Variants in DCHS1 observed in about 807,000 individuals in gnomAD.
DCHS1 encodes the protein dachsous cadherin-related 1, also known as protocadherin-16.
In DCHS1, 78 loss-of-function variants were observed where a neutral mutation model predicts 213.9. The observed-to-expected ratio is 0.36, with a 90% CI of 0.30 to 0.44. The LOEUF (loss-of-function observed/expected upper bound fraction) is 0.44, where lower values mean the gene tolerates loss of function less well. Among genes scored for constraint, DCHS1 ranks in the 20% least tolerant of loss-of-function variants. DCHS1 has a pLI of 1.00. For synonymous variants in DCHS1, 1,828 were observed against 1,873.7 expected (o/e 0.98, Z 0.63); for missense variants, 3,946 against 4,395.9 (o/e 0.90, Z 2.89).
rs186255064 is a variant in DCHS1 at position 6,632,989 on chromosome 11, C to T, written c.2523G>A (p.Ala841=). 2.9e-5 allele frequency: 47 copies of T among 1,613,876 alleles called. No homozygotes were observed. In the East Asian group the frequency reaches 7.8e-4, roughly 27 times the overall value. The change falls in exon 6 of 21, where the codon GCG becomes GCA. Residue 841 remains alanine, a synonymous_variant. Transcript: ENST00000299441. This position sits in a 1 kb window ranked among gnomAD's most constrained non-coding sequence, Gnocchi z 5.9. ...GDPRGLFSLD[A]VSGLLQTLRP... The stretch of plus-strand genomic sequence containing the variant: ...GAAGTGTTTGCAACAGTCCTGATAC[C>T]GCATCTAGGGAGAAGAGTCCTCGGG...
chr11:6,644,595 G>A (rs191109030), intron 1 of DCHS1, among the ~76,000 whole-genome samples: 1 of 152,358 alleles, frequency 6.6e-6, no homozygotes, highest in East Asian at 1.9e-4. Flanking sequence ...TCTGCCCTCT[G>A]CACTGGATTG....
Position 6,632,323 on chromosome 11 carries a change from C to T in DCHS1, c.3189G>A (p.Glu1063=), listed in dbSNP as rs997663349. ...WLWVRAALDR[E]AQELYILKVM... ...CCTTCAGTATGTACAATTCCTGGGC[C>T]TCACGGTCTAGTGCTGCCCGCACCC... is the stretch of plus-strand genomic sequence containing the variant. The change falls in exon 6 of 21, where the codon GAG becomes GAA. Residue 1063 remains glutamate, a synonymous_variant. Transcript: ENST00000299441. This position sits in a 1 kb window ranked among gnomAD's most constrained non-coding sequence, Gnocchi z 5.9. The T allele has an allele frequency of 1.2e-6, 2 of 1,613,972 alleles. No individual in the cohort carries two copies. The highest frequency in any genetic ancestry group is 1.7e-6 in the Non-Finnish European group (2 of 1,179,862).
At chr11:6,624,449 G>T in intron 20 of DCHS1, 59 bp from the exon 21 acceptor site, 1 of 1,475,356 alleles carries the variant, frequency 6.8e-7, no homozygotes, top group Non-Finnish European at 9.0e-7. Flanking sequence ...GTGAACAGAA[G>T]AGTGACCCTT....
intron 2 of DCHS1, 25 bp downstream of exon 2, chr11:6,639,792 C>G: frequency 6.4e-7 from 1 of 1,554,038 alleles, no homozygotes. Flanking sequence ...CCAACACTAT[C>G]TTGCTATGTG....
At chr11:6,639,713 T>A in intron 2 of DCHS1, 104 bp downstream of exon 2, 1 of 982,434 alleles carries the variant, frequency 1.0e-6, no homozygotes, top group South Asian at 1.7e-5. Context: ...CTAGCATAAG[T>A]CACCATCAAC....
chr11:6,631,263 A>G (rs762602103), intron 8 of DCHS1, 48 bp downstream of exon 8: 2 of 1,613,660 alleles, frequency 1.2e-6, no homozygotes, highest in Non-Finnish European at 1.7e-6. Flanking sequence ...TGGGCAGGCC[A>G]TGAGGGCATG....
In DCHS1 at chr11:6,631,737, T is replaced by TCCTGCA; in HGVS notation, c.3548_3553dup (p.Val1183_Gln1184dup). The TCCTGCA allele has an allele frequency of 6.2e-7, 1 of 1,607,658 alleles. No individual in the cohort carries two copies. Among genetic ancestry groups the TCCTGCA allele is most frequent in the Non-Finnish European group, 8.5e-7 (1 of 1,176,784 alleles). On this transcript the variant is annotated inframe_insertion, in exon 7 of 21. Coordinates refer to ENST00000299441, the MANE Select transcript of DCHS1 (RefSeq NM_003737.4). ...GGTGCTGCGGGGTGGGCTCCCTCCA[T>TCCTGCA]CCTGCACCTGCACCAGGAGCTGATA... is the stretch of plus-strand genomic sequence containing the variant.
intron 2 of DCHS1, 121 bp downstream of exon 2, chr11:6,639,696 G>A (rs1856035611): frequency 1.2e-6 from 1 of 855,106 alleles, no homozygotes; most frequent in Non-Finnish European, 1.8e-6. Context: ...ACATAGGGCA[G>A]AACCCTCTAG....
In DCHS1 at chr11:6,627,143, G is replaced by C; in HGVS notation, c.5896C>G (p.Arg1966Gly). Reference protein sequence around the residue: ...HAPTFPTSPLRLRLPRPGPSF... With the variant: ...HAPTFPTSPLGLRLPRPGPSF... ...GGGCCTGGGCGGGGCAGACGTAGGC[G>C]CAGAGGACTGGTGGGGAAGGTGGGT... Residue 1966 changes from arginine (R) to glycine (G), a missense_variant, in exon 14 of 21, where the codon CGC becomes GGC. By Grantham distance (125) the Arg-to-Gly change is moderately radical. Coordinates refer to ENST00000299441, the MANE Select transcript of DCHS1 (RefSeq NM_003737.4). The surrounding 1 kb of genome is among the most constrained non-coding windows in gnomAD (Gnocchi z 5.4). The C allele has an allele frequency of 6.2e-7, 1 of 1,612,416 alleles. No individual in the cohort carries two copies.
In DCHS1 at chr11:6,627,260, A is replaced by G. The variant is rs758217680; in HGVS notation, c.5779T>C (p.Phe1927Leu). 6.2e-7 allele frequency: 1 copy of G among 1,613,284 alleles called. No homozygotes were observed. Among genetic ancestry groups the G allele is most frequent in the Admixed American group, 1.7e-5 (1 of 59,976 alleles). The change falls in exon 14 of 21, where the codon TTT becomes CTT. Residue 1927 changes from phenylalanine (F) to leucine (L), a missense_variant. Physicochemically the swap from Phe to Leu is conservative, Grantham distance 22. This residue lies in a region of DCHS1 where 3,384 missense variants were observed against 3,780.1 expected (regional missense o/e 0.90). Transcript: ENST00000299441. The surrounding 1 kb of genome is among the most constrained non-coding windows in gnomAD (Gnocchi z 5.4). ...GCACCATCCACTGCACTCACAGAAA[A>G]GGTGTAGCTGGGACACTGTTCTCTG... Reference protein sequence around the residue: ...LDREQCPSYTFSVSAVDGAAA... With the variant: ...LDREQCPSYTLSVSAVDGAAA...
intron 1 of DCHS1, among the ~76,000 whole-genome samples, chr11:6,647,142 G>C (rs1856171383): frequency 6.6e-6 from 1 of 152,338 alleles, no homozygotes; most frequent in Non-Finnish European, 1.5e-5. Flanking sequence ...GGTAGCCTCA[G>C]TGAGCAAAGG....
Position 6,626,465 on chromosome 11 carries a change from C to G in DCHS1, c.6365-85G>C, listed in dbSNP as rs769754850. Reference sequence around the variant, plus strand: ...CTAAGACCCCTTACTCAAGGACAGCCCTTCACCCATCAAAGGCTCCTCTGA... The same window carrying G: ...CTAAGACCCCTTACTCAAGGACAGCGCTTCACCCATCAAAGGCTCCTCTGA... On this transcript the variant is annotated intron_variant, in intron 15 of 20. Transcript: ENST00000299441. The surrounding 1 kb of genome is among the most constrained non-coding windows in gnomAD (Gnocchi z 5.2). The G allele has an allele frequency of 6.2e-7, 1 of 1,603,810 alleles. No individual in the cohort carries two copies. The highest frequency in any genetic ancestry group is 8.5e-7 in the Non-Finnish European group (1 of 1,172,676).
chr11:6,629,630 C>T (rs1174697418), intron 11 of DCHS1, 42 bp downstream of exon 11: 1 of 1,612,466 alleles, frequency 6.2e-7, no homozygotes, highest in Non-Finnish European at 8.5e-7. Flanking sequence ...CTGTTTCTTG[C>T]CCCAGTCCAT....
intron 2 of DCHS1, among the ~76,000 whole-genome samples, chr11:6,634,778 G>GAAA (rs35447162): frequency 6.7e-6 from 1 of 149,402 alleles, no homozygotes; most frequent in Non-Finnish European, 1.5e-5. Context: ...CTAAAAAAAT[G>GAAA]AAAAAAAAAA....
Position 6,640,705 on chromosome 11 carries a change from T to C in DCHS1, c.909A>G (p.Gly303=). The change falls in exon 2 of 21, where the codon GGA becomes GGG. Residue 303 remains glycine, a synonymous_variant. Coordinates refer to ENST00000299441, the MANE Select transcript of DCHS1 (RefSeq NM_003737.4). The surrounding 1 kb of genome is among the most constrained non-coding windows in gnomAD (Gnocchi z 6.5). ...EINRRQSEGD[G]PFSIDAHTGL... The stretch of plus-strand genomic sequence containing the variant: ...CCGTGTGTGCGTCGATGGAGAAGGG[T>C]CCATCACCCTCGCTCTGCCTCCGGT... 6.2e-7 allele frequency: 1 copy of C among 1,613,250 alleles called. No individual in the cohort carries two copies. The highest frequency in any genetic ancestry group is 1.7e-5 in the Admixed American group (1 of 59,874).
Position 6,626,287 on chromosome 11 carries a change from G to T in DCHS1, c.6458C>A (p.Ala2153Asp). The T allele has an allele frequency of 6.2e-7, 1 of 1,613,286 alleles. No homozygotes were observed. The highest frequency in any genetic ancestry group is 8.5e-7 in the Non-Finnish European group (1 of 1,179,598). The change falls in exon 16 of 21, where the codon GCC (alanine) becomes GAC (aspartate). Residue 2153 changes from alanine to aspartate, a missense_variant. Transcript: ENST00000299441. This position sits in a 1 kb window ranked among gnomAD's most constrained non-coding sequence, Gnocchi z 5.2. ...CAGGGTCAGGGTCAGCACAGTGAAG[G>T]CAAAGGCTCCTCCACTCTCTGCCTG... is the stretch of plus-strand genomic sequence containing the variant. The part of the protein sequence containing the change: ...VLQAESGGAF[A>D]FTVLTLTLQD...
intron 2 of DCHS1, 92 bp from the exon 3 acceptor site, chr11:6,634,398 C>A: frequency 7.2e-7 from 1 of 1,398,012 alleles, no homozygotes; most frequent in Non-Finnish European, 9.6e-7. Flanking sequence ...GGTGCTAAGT[C>A]TCTGGATGGC....
Position 6,625,401 on chromosome 11 carries a change from G to C in DCHS1, c.6943C>G (p.Pro2315Ala). 6.2e-7 allele frequency: 1 copy of C among 1,610,124 alleles called. No homozygotes were observed. The highest frequency in any genetic ancestry group is 8.5e-7 in the Non-Finnish European group (1 of 1,177,782). ...CTGAAGGGATCCTGGGGCCCAGATG[G>C]GCTTAGCACATACCACAGCACGGGT... ...SGPVLWYVLSPSGPQDPFSVG... is the reference protein window; with the variant it reads ...SGPVLWYVLSASGPQDPFSVG... The change falls in exon 19 of 21, where the codon CCA becomes GCA. Residue 2315 changes from proline (P) to alanine (A), a missense_variant. Physicochemically the swap from Pro to Ala is conservative, Grantham distance 27. This residue lies in a region of DCHS1 where 3,384 missense variants were observed against 3,780.1 expected (regional missense o/e 0.90). Coordinates refer to ENST00000299441, the MANE Select transcript of DCHS1 (RefSeq NM_003737.4). The surrounding 1 kb of genome is among the most constrained non-coding windows in gnomAD (Gnocchi z 5.3).
chr11:6,626,865 C>A lies in DCHS1; in HGVS notation c.6174G>T (p.Leu2058=), dbSNP rs1162656954. ...GGGGTCCACGCTCAGCTTCCCCCTG[C>A]AGTCCAACAATGATCACACCAGTGG... The part of the protein sequence containing the change: ...RSATGVIIVG[L]QGEAERGPRF... Residue 2058 remains leucine, a synonymous_variant, in exon 14 of 21, where the codon CTG becomes CTT. Coordinates refer to ENST00000299441, the MANE Select transcript of DCHS1 (RefSeq NM_003737.4). This position sits in a 1 kb window ranked among gnomAD's most constrained non-coding sequence, Gnocchi z 5.2. The A allele has an allele frequency of 1.9e-6, 3 of 1,613,512 alleles. No homozygotes were observed. The highest frequency in any genetic ancestry group is 3.3e-5 in the Admixed American group (2 of 60,010).
Sources: allele counts gnomAD v4.1 joint callset (sites outside exome capture counted in the v4.1 genomes callset), GRCh38; gene constraint gnomAD v4.1.1; regional missense constraint gnomAD v4.1.1; non-coding constraint Gnocchi (gnomAD v3.1); transcripts MANE v1.5; gene names NCBI Gene and HGNC (gene_info 2026-07-23, HGNC 2026-07-21).